The following CYP4V2 variants were observed in gnomAD, a reference collection of about 807,000 sequenced individuals.
The protein encoded by CYP4V2 is cytochrome P450 4V2.
In CYP4V2, 55 loss-of-function variants were observed where a neutral mutation model predicts 60.8. The observed-to-expected ratio is 0.90, with a 90% CI of 0.73 to 1.13. The LOEUF is 1.13. Among genes scored for constraint, CYP4V2 ranks in the 50% most tolerant of loss-of-function variants. The probability of loss-of-function intolerance (pLI) is 0.00; values close to 1 mark genes in which losing one functional copy is unlikely to be tolerated. For missense variants in CYP4V2, 675 were observed against 662.9 expected, an observed-to-expected ratio of 1.02 and a Z score of -0.20; for synonymous variants, 239 against 236.8, an observed-to-expected ratio of 1.01 and a Z score of -0.08.
chr4:186,206,789 C>G (rs1579974190), intron 8 of CYP4V2, among the ~76,000 whole-genome samples: 1 of 152,104 alleles, frequency 6.6e-6, no homozygotes, highest in Non-Finnish European at 1.5e-5. Context: ...AAGAGGCAAG[C>G]TTTTATTTTG....
In CYP4V2 at chr4:186,210,556, A is replaced by C. The variant is rs142244984; in HGVS notation, c.1493A>C (p.Glu498Ala). ...FWIESNQKRE[E>A]LGLEGQLILR... The stretch of plus-strand genomic sequence containing the variant: ...ATAGAATCCAACCAGAAAAGAGAAG[A>C]GCTTGGTCTAGAAGGACAGTTGATT... The change falls in exon 11 of 11, where the codon GAG (glutamate) becomes GCG (alanine). Residue 498 changes from glutamate to alanine, a missense_variant. Physicochemically the swap from Glu to Ala is moderately radical, Grantham distance 107 (BLOSUM62 -1). Transcript: ENST00000378802. The C allele has an allele frequency of 7.4e-5, 119 of 1,614,196 alleles. No individual in the cohort carries two copies. In the Middle Eastern group the frequency reaches 1.6e-3, roughly 22 times the overall value.
intron 3 of CYP4V2, 119 bp downstream of exon 3, chr4:186,196,207 G>T: frequency 1.1e-6 from 1 of 926,342 alleles, no homozygotes; most frequent in Non-Finnish European, 1.7e-6. Flanking sequence ...CTCTCAGAAA[G>T]GAGGAGAAAG....
At chr4:186,196,870 G>C (rs1207812038) in intron 3 of CYP4V2, 70 bp from the exon 4 acceptor site, 21 of 1,494,768 alleles carry the variant, frequency 1.4e-5, no homozygotes, top group Non-Finnish European at 1.9e-5. Context: ...AATCGTTTTG[G>C]ATGTTACTTT....
In CYP4V2 at chr4:186,194,613, G is replaced by A. The variant is rs199476182; in HGVS notation, c.327+1G>A. 6.2e-7 allele frequency: 1 copy of A among 1,609,632 alleles called. No individual in the cohort carries two copies. The highest frequency in any genetic ancestry group is 2.2e-5 in the East Asian group (1 of 44,842). On this transcript the variant is annotated splice_donor_variant, in intron 2 of 10. Transcript: ENST00000378802. LOFTEE classifies it high-confidence loss of function. ...CCTTTATAATGCAGAAAATGTGGAG[G>A]TGGGTACATGTGAATATGATCAGTA... is the stretch of plus-strand genomic sequence containing the variant.
rs1561441094 is a variant in CYP4V2, at chr4:186,213,170, CAGTA to C, written c.*2533_*2536del. On this transcript the variant is annotated 3_prime_UTR_variant, in exon 11 of 11. Coordinates refer to ENST00000378802, the MANE Select transcript of CYP4V2 (RefSeq NM_207352.4). ...GAATTATTGTTACTCATATTTTAAT[CAGTA>C]AGTCATTTAAGCTATGACAGAGTAG... 6.6e-6 allele frequency: 1 copy of C among 152,128 alleles called. No homozygotes were observed. The highest frequency in any genetic ancestry group is 1.5e-5 in the Non-Finnish European group (1 of 68,034). 9.4% of individuals were successfully genotyped at this position (152,128 alleles called of 1,614,324 possible). A position where few individuals can be genotyped will look rare whatever the true frequency, so the allele number is the denominator to read the frequency against.
At chr4:186,194,754 G>T in intron 2 of CYP4V2, 142 bp downstream of exon 2, 1 of 728,484 alleles carries the variant, frequency 1.4e-6, no homozygotes, top group Non-Finnish European at 2.3e-6. Flanking sequence ...CTATATAGGT[G>T]CAATTTAATG....
chr4:186,210,730 T>C lies in CYP4V2; in HGVS notation c.*89T>C. On this transcript the variant is annotated 3_prime_UTR_variant, in exon 11 of 11. Coordinates refer to ENST00000378802, the MANE Select transcript of CYP4V2 (RefSeq NM_207352.4). ...TACAATTTACAGATCATGAGTTCAA[T>C]ATGCTTGAATCCCCTAGACCTAATT... 1 of 1,508,280 alleles carries C rather than the reference T, an allele frequency of 6.6e-7. No individual in the cohort carries two copies. Among genetic ancestry groups the C allele is most frequent in the Admixed American group, 1.8e-5 (1 of 56,448 alleles). The allele number at this position is 1,508,280 out of a possible 1,614,324, so 93.4% of individuals were successfully genotyped here.
chr4:186,192,611 G>A (rs553548278), intron 1 of CYP4V2, among the ~76,000 whole-genome samples: 3 of 152,296 alleles, frequency 2.0e-5, no homozygotes, highest in African/African-American at 7.2e-5. Context: ...TTTGGAGGGT[G>A]TCAAACGCCT....
chr4:186,212,997 T>G lies in CYP4V2; in HGVS notation c.*2356T>G, dbSNP rs1736779101. ...CCAAGATGATTTTGGATAATAAAAG[T>G]TGTATTTGTGGAAATTGGTATTATC... On this transcript the variant is annotated 3_prime_UTR_variant, in exon 11 of 11. Coordinates refer to ENST00000378802, the MANE Select transcript of CYP4V2 (RefSeq NM_207352.4). The G allele has an allele frequency of 6.6e-6, 1 of 152,214 alleles. No individual in the cohort carries two copies. The highest frequency in any genetic ancestry group is 2.1e-4 in the South Asian group (1 of 4,830). The allele number at this position is 152,214 out of a possible 1,614,324, so 9.4% of individuals were successfully genotyped here.
rs1281700387 is a variant in CYP4V2, at chr4:186,195,998, C to T, written c.328-5C>T. 5 of 1,603,172 alleles carry T rather than the reference C, an allele frequency of 3.1e-6. No individual in the cohort carries two copies. Among genetic ancestry groups the T allele is most frequent in the Non-Finnish European group, 4.3e-6 (5 of 1,170,424 alleles). On this transcript the variant is annotated splice_polypyrimidine_tract_variant and splice_region_variant and intron_variant, in intron 2 of 10. Transcript: ENST00000378802. The surrounding 1 kb of genome is among the most constrained non-coding windows in gnomAD (Gnocchi z 4.1). The stretch of plus-strand genomic sequence containing the variant: ...GTCTCTAAAGTATGTTTTTCTCTTC[C>T]TAAGGTAATTTTAACTAGTTCAAAG...
chr4:186,194,716 CA>C lies in CYP4V2; in HGVS notation c.327+110del, dbSNP rs528660295. On this transcript the variant is annotated intron_variant, in intron 2 of 10. Transcript: ENST00000378802. ...TCCTTATATTTCAGCCATTTCAGCA[CA>C]AAAAACATTCCACTAAGTATTTTAG... is the stretch of plus-strand genomic sequence containing the variant. The C allele has an allele frequency of 3.7e-4, 392 of 1,054,392 alleles. 3 individuals are homozygous for C. In the East Asian group the frequency reaches 8.2e-3, roughly 22 times the overall value. The allele number at this position is 1,054,392 out of a possible 1,614,324, so 65.3% of individuals were successfully genotyped here.
At chr4:186,193,433 G>A (rs954288985) in intron 1 of CYP4V2, among the ~76,000 whole-genome samples, 2 of 152,094 alleles carry the variant, frequency 1.3e-5, no homozygotes, top group African/African-American at 4.8e-5. Flanking sequence ...TTTTACAAAG[G>A]GACTTTTTAT....
At chr4:186,201,065 G>T in intron 6 of CYP4V2, 92 bp from the exon 7 acceptor site, 3 of 1,284,654 alleles carry the variant, frequency 2.3e-6, no homozygotes, top group South Asian at 2.6e-5. Flanking sequence ...AAAAATAAAT[G>T]AAAGAAACTA....
intron 8 of CYP4V2, among the ~76,000 whole-genome samples, chr4:186,206,117 G>A (rs1736492562): frequency 6.6e-6 from 1 of 152,170 alleles, no homozygotes; most frequent in African/African-American, 2.4e-5. Context: ...AGCATTTCTT[G>A]GCTGACAGCC....
chr4:186,212,357 G>A lies in CYP4V2; in HGVS notation c.*1716G>A, dbSNP rs1736750387. The A allele has an allele frequency of 6.6e-6, 1 of 152,092 alleles. No homozygotes were observed. The highest frequency in any genetic ancestry group is 6.6e-5 in the Admixed American group (1 of 15,258). 9.4% of individuals were successfully genotyped at this position (152,092 alleles called of 1,614,324 possible). Reference sequence around the variant, plus strand: ...CCAGTAATATCTCACTTAGTTTAGGGTTAGATCTTTAGTTAATTCAACCTT... The same window carrying A: ...CCAGTAATATCTCACTTAGTTTAGGATTAGATCTTTAGTTAATTCAACCTT... On this transcript the variant is annotated 3_prime_UTR_variant, in exon 11 of 11. Transcript: ENST00000378802.
At chr4:186,204,539 C>G (rs80010698) in intron 7 of CYP4V2, 1 of 182,964 alleles carries the variant, frequency 5.5e-6, no homozygotes, top group African/African-American at 2.4e-5. Context: ...TCATCGGACA[C>G]GCCGCAGGCT....
intron 1 of CYP4V2, chr4:186,192,289 T>A (rs1255041754): frequency 2.5e-5 from 17 of 689,988 alleles, no homozygotes; most frequent in Non-Finnish European, 4.2e-5. Flanking sequence ...GCCCTCGGTC[T>A]TTTCCCACCT....
At chr4:186,202,960 CCA>C (rs879087949) in intron 7 of CYP4V2, 2 of 151,870 alleles carry the variant, frequency 1.3e-5, no homozygotes, top group African/African-American at 2.4e-5. Flanking sequence ...ACACCACCCC[CCA>C]CAGAGGCACA....
intron 1 of CYP4V2, among the ~76,000 whole-genome samples, chr4:186,193,428 C>G (rs1028997089): frequency 1.3e-5 from 2 of 152,274 alleles, no homozygotes; most frequent in African/African-American, 4.8e-5. Context: ...CTGTCTTTTA[C>G]AAAGGGACTT....
Sources: allele counts gnomAD v4.1 joint callset (sites outside exome capture counted in the v4.1 genomes callset), GRCh38; gene constraint gnomAD v4.1.1; non-coding constraint Gnocchi (gnomAD v3.1); transcripts MANE v1.5; gene names NCBI Gene and HGNC (gene_info 2026-07-23, HGNC 2026-07-21).